The following ARID1B variants were observed in gnomAD, a reference collection of about 807,000 sequenced individuals.
The protein encoded by ARID1B is AT-rich interactive domain-containing protein 1B.
Under a neutral mutation model 212.3 loss-of-function variants are expected in ARID1B, and 30 were observed. The observed-to-expected ratio is 0.14, with a 90% CI of 0.11 to 0.19. The LOEUF (loss-of-function observed/expected upper bound fraction) is 0.19. Among genes scored for constraint, ARID1B ranks in the 10% least tolerant of loss-of-function variants. The probability of loss-of-function intolerance (pLI) is 1.00; values close to 1 mark genes in which losing one functional copy is unlikely to be tolerated. For missense variants in ARID1B, 2,891 were observed against 3,204.0 expected (o/e 0.90, Z 2.36); for synonymous variants, 1,402 against 1,301.7 (o/e 1.08, Z -1.66).
chr6:156,904,153 A>T (rs1031217954), intron 3 of ARID1B, among the ~76,000 whole-genome samples: 1 of 152,196 alleles, frequency 6.6e-6, no homozygotes, highest in African/African-American at 2.4e-5. Context: ...GAGTTTCTTT[A>T]TATCAAGAAG....
Position 157,201,081 on chromosome 6 carries a change from C to T in ARID1B, c.4856C>T (p.Thr1619Ile), listed in dbSNP as rs1050569986. ...CCCCCTTACCCAGGCATGAACCGCA[C>T]AGACGATATGATGGTACCCGATCAG... Reference protein sequence around the residue: ...QAPPYPGMNRTDDMMVPDQRI... With the variant: ...QAPPYPGMNRIDDMMVPDQRI... The change falls in exon 18 of 20, where the codon ACA becomes ATA. Residue 1619 changes from threonine to isoleucine, a missense_variant. Coordinates refer to ENST00000636930, the MANE Select transcript of ARID1B (RefSeq NM_001374828.1). The surrounding 1 kb of genome is among the most constrained non-coding windows in gnomAD (Gnocchi z 5.2). 2.8e-5 allele frequency: 45 copies of T among 1,614,070 alleles called. No homozygotes were observed. The highest frequency in any genetic ancestry group is 4.0e-5 in the African/African-American group (3 of 74,946).
At chr6:157,056,802 T>C (rs1215628841) in intron 4 of ARID1B, among the ~76,000 whole-genome samples, 1 of 152,134 alleles carries the variant, frequency 6.6e-6, no homozygotes, top group African/African-American at 2.4e-5. Context: ...AATTGAATTT[T>C]GTTTAATTTT....
intron 4 of ARID1B, among the ~76,000 whole-genome samples, chr6:156,974,780 G>A (rs907259121): frequency 6.6e-6 from 1 of 152,184 alleles, no homozygotes; most frequent in South Asian, 2.1e-4. Context: ...TTACTTTCAA[G>A]TTCCATTACA....
In ARID1B at chr6:157,203,373, G is replaced by C. The variant is rs768334043; in HGVS notation, c.5264-493G>C. ...GGACTAGAGGAAAGCAGCCTGGGAA[G>C]CCAAGGCCGTGTGTCTGAGGAGGCT... On this transcript the variant is annotated intron_variant, in intron 18 of 19. Transcript: ENST00000636930. The surrounding 1 kb of genome is among the most constrained non-coding windows in gnomAD (Gnocchi z 4.4). Among the ~76,000 whole-genome samples the C allele has an allele frequency of 1.3e-5, 2 of 152,216 alleles. No individual in the cohort carries two copies. The highest frequency in any genetic ancestry group is 4.8e-5 in the African/African-American group (2 of 41,450).
chr6:156,956,938 C>T (rs935823288), intron 4 of ARID1B, among the ~76,000 whole-genome samples: 1 of 152,112 alleles, frequency 6.6e-6, no homozygotes, highest in Non-Finnish European at 1.5e-5. Flanking sequence ...GATTATGGAT[C>T]CCATATGGTC....
chr6:157,135,877 T>C (rs1037247189), intron 7 of ARID1B, among the ~76,000 whole-genome samples: 1 of 152,226 alleles, frequency 6.6e-6, no homozygotes, highest in Non-Finnish European at 1.5e-5. Context: ...ATCTCTGGAA[T>C]GATTCACTCA....
chr6:157,039,927 C>CT (rs1562570254), intron 4 of ARID1B, among the ~76,000 whole-genome samples: 4 of 127,410 alleles, frequency 3.1e-5, no homozygotes, highest in South Asian at 2.5e-4. Context: ...TCTTTCTTTT[C>CT]TTTCTTTCTT....
intron 3 of ARID1B, among the ~76,000 whole-genome samples, chr6:156,921,673 T>C (rs1435930516): frequency 6.6e-6 from 1 of 152,158 alleles, no homozygotes; most frequent in East Asian, 1.9e-4. Flanking sequence ...AGAGATAATT[T>C]AGTAGATCAA....
intron 8 of ARID1B, chr6:157,166,300 G>A (rs926176785): frequency 6.6e-6 from 1 of 152,164 alleles, no homozygotes; most frequent in African/African-American, 2.4e-5. Flanking sequence ...AGTCTGACAG[G>A]GCGTAAGACA....
chr6:157,026,987 A>G (rs1780705462), intron 4 of ARID1B, among the ~76,000 whole-genome samples: 1 of 152,172 alleles, frequency 6.6e-6, no homozygotes, highest in Non-Finnish European at 1.5e-5. Context: ...GTTATTTGTT[A>G]TTATTGCCCT....
chr6:157,181,444 TC>T (rs1792527026), intron 12 of ARID1B, among the ~76,000 whole-genome samples: 1 of 152,190 alleles, frequency 6.6e-6, no homozygotes, highest in South Asian at 2.1e-4. Context: ...GACTAGATTT[TC>T]CTGTAGGTTT....
At chr6:156,865,839 T>C (rs1381889948) in intron 2 of ARID1B, among the ~76,000 whole-genome samples, 1 of 152,126 alleles carries the variant, frequency 6.6e-6, no homozygotes, top group East Asian at 1.9e-4. Flanking sequence ...CTTTTCTTAA[T>C]TCTTTTTTGT....
intron 4 of ARID1B, among the ~76,000 whole-genome samples, chr6:157,028,791 A>G (rs903589810): frequency 6.6e-6 from 1 of 152,204 alleles, no homozygotes; most frequent in Non-Finnish European, 1.5e-5. Context: ...GAGTGCCGCT[A>G]TTCTTCTGTA....
chr6:157,135,454 C>T (rs954783436), intron 7 of ARID1B, among the ~76,000 whole-genome samples: 1 of 152,194 alleles, frequency 6.6e-6, no homozygotes, highest in Non-Finnish European at 1.5e-5. Context: ...AATATTCCCA[C>T]ACTCAGCACT....
intron 8 of ARID1B, chr6:157,166,826 A>C (rs1791359401): frequency 2.1e-6 from 1 of 473,404 alleles, no homozygotes; most frequent in Non-Finnish European, 3.6e-6. Context: ...TTACTTGCAG[A>C]ACTTGTAATA....
intron 4 of ARID1B, among the ~76,000 whole-genome samples, chr6:157,080,859 T>G (rs140423655): frequency 4.1e-3 from 632 of 152,310 alleles, no homozygotes; most frequent in Middle Eastern, 0.024. Context: ...CTTCATGATT[T>G]TGGTTTTTGA....
At chr6:157,007,795 C>T (rs1779335334) in intron 4 of ARID1B, among the ~76,000 whole-genome samples, 1 of 151,142 alleles carries the variant, frequency 6.6e-6, no homozygotes, top group Non-Finnish European at 1.5e-5. Flanking sequence ...CCTGCCTCAG[C>T]CTCCCAAGTA....
At chr6:156,840,215 C>A (rs1326451484) in intron 2 of ARID1B, among the ~76,000 whole-genome samples, 2 of 152,196 alleles carry the variant, frequency 1.3e-5, no homozygotes, top group Admixed American at 1.3e-4. Context: ...TTCATCTGTT[C>A]TGACCTTTGC....
chr6:157,190,118 A>G lies in ARID1B; in HGVS notation c.4139A>G (p.Asn1380Ser), dbSNP rs376071880. The G allele has an allele frequency of 5.6e-6, 9 of 1,614,002 alleles. No individual in the cohort carries two copies. The Middle Eastern group carries it at 4.9e-4, about 88-fold the overall frequency. Residue 1380 changes from asparagine to serine, a missense_variant, in exon 15 of 20, where the codon AAC (asparagine) becomes AGC (serine). Physicochemically the swap from Asn to Ser is conservative, Grantham distance 46 (BLOSUM62 1). Around this residue, in one of 7 missense-constraint regions of ARID1B, gnomAD observed 666 missense variants for 873.5 expected, o/e 0.76. Transcript: ENST00000636930. The surrounding 1 kb of genome is among the most constrained non-coding windows in gnomAD (Gnocchi z 4.6). ...SFPKRNSMTPNAPYQQGMSMP... is the reference protein window; with the variant it reads ...SFPKRNSMTPSAPYQQGMSMP... ...CCGAAACGGAACTCCATGACTCCAA[A>G]CGCCCCCTACCAGCAGGGCATGAGC...
Sources: gnomAD v4.1 joint callset for allele counts (sites outside exome capture counted in the v4.1 genomes callset) on GRCh38, gnomAD v4.1.1 for gene constraint, gnomAD v4.1.1 regional missense constraint, Gnocchi (gnomAD v3.1) non-coding constraint, MANE v1.5 for transcripts, NCBI Gene and HGNC (gene_info 2026-07-23, HGNC 2026-07-21) for gene names.